Variants in NBAS observed in about 807,000 individuals in gnomAD.
NBAS encodes the protein NBAS subunit of NRZ tethering complex.
In NBAS, 219 loss-of-function variants were observed where a neutral mutation model predicts 302.5. That is an observed-to-expected ratio of 0.72 (90% CI 0.65 to 0.81). The LOEUF is 0.81. Among genes scored for constraint, NBAS ranks in the 30% least tolerant of loss-of-function variants. NBAS has a pLI of 0.00. For synonymous variants in NBAS, 1,118 were observed against 1,021.6 expected (o/e 1.09, Z -1.80); for missense variants, 2,932 against 2,841.6 (o/e 1.03, Z -0.72).
chr2:15,061,688 A>G, the NBAS span, among the ~76,000 whole-genome samples: 1 of 152,188 alleles, frequency 6.6e-6, no homozygotes, highest in African/African-American at 2.4e-5. Context: ...CCCCAATAGC[A>G]TACTCCAGAA....
chr2:14,928,477 GTA>G, the NBAS span, among the ~76,000 whole-genome samples: 1 of 152,232 alleles, frequency 6.6e-6, no homozygotes, highest in Admixed American at 6.5e-5. Flanking sequence ...AATAATTTTT[GTA>G]TATGAGATCT....
chr2:15,006,081 G>C, the NBAS span, among the ~76,000 whole-genome samples: 1 of 152,142 alleles, frequency 6.6e-6, no homozygotes, highest in Non-Finnish European at 1.5e-5. Context: ...AAAATACTTT[G>C]TTTTAATAGT....
chr2:15,402,489 A>C (rs563131618), intron 25 of NBAS, among the ~76,000 whole-genome samples, 188 bp from the exon 26 acceptor site: 1 of 152,304 alleles, frequency 6.6e-6, no homozygotes, highest in East Asian at 1.9e-4. Flanking sequence ...TTAATTACAG[A>C]TCAACTATAA....
chr2:15,120,964 C>T, the NBAS span, among the ~76,000 whole-genome samples: 2 of 152,172 alleles, frequency 1.3e-5, no homozygotes, highest in East Asian at 3.8e-4. Context: ...TCTCTGATGA[C>T]CTATTCACAG....
At chr2:15,033,839 T>A in the NBAS span, among the ~76,000 whole-genome samples, 1 of 151,878 alleles carries the variant, frequency 6.6e-6, no homozygotes, top group Non-Finnish European at 1.5e-5. Context: ...TTCCAGCTAC[T>A]CAGGAGGCTA....
At chr2:15,174,594 T>G (rs918727652) in intron 51 of NBAS, among the ~76,000 whole-genome samples, 6 of 152,214 alleles carry the variant, frequency 3.9e-5, no homozygotes, top group Non-Finnish European at 7.3e-5. Context: ...GTAGGTCTGC[T>G]CTAGTGTTTT....
At chr2:15,211,142 C>A (rs1666389768) in intron 48 of NBAS, among the ~76,000 whole-genome samples, 1 of 152,084 alleles carries the variant, frequency 6.6e-6, no homozygotes, top group Admixed American at 6.5e-5. Flanking sequence ...TTGTTTGTAA[C>A]ACAAAGGATA....
intron 38 of NBAS, among the ~76,000 whole-genome samples, chr2:15,318,053 G>A (rs984322433): frequency 3.3e-5 from 5 of 152,198 alleles, no homozygotes; most frequent in Non-Finnish European, 1.5e-5. Context: ...AGATCTCTTG[G>A]AAGAAACCCT....
chr2:14,940,279 A>T, the NBAS span, among the ~76,000 whole-genome samples: 1 of 152,164 alleles, frequency 6.6e-6, no homozygotes, highest in African/African-American at 2.4e-5. Context: ...ATTTACACTG[A>T]GGTACTGTCC....
At chr2:15,458,467 C>T (rs535138318) in intron 21 of NBAS, among the ~76,000 whole-genome samples, 6 of 152,234 alleles carry the variant, frequency 3.9e-5, no homozygotes, top group African/African-American at 1.4e-4. Flanking sequence ...TAAGTGAGTT[C>T]TCACTCAGTT....
At chr2:14,804,714 C>G in the NBAS span, among the ~76,000 whole-genome samples, 1 of 152,170 alleles carries the variant, frequency 6.6e-6, no homozygotes, top group Admixed American at 6.5e-5. Flanking sequence ...TATCCAGGCT[C>G]TAACAGAGAT....
chr2:15,293,768 G>A (rs1044414124), intron 40 of NBAS, among the ~76,000 whole-genome samples: 5 of 152,044 alleles, frequency 3.3e-5, no homozygotes, highest in Non-Finnish European at 5.9e-5. Context: ...TGTCAATGTC[G>A]AGTCTAGATT....
At chr2:14,909,043 G>A in the NBAS span, among the ~76,000 whole-genome samples, 2 of 152,092 alleles carry the variant, frequency 1.3e-5, no homozygotes, top group East Asian at 3.9e-4. Flanking sequence ...CTAGAAAAGA[G>A]AACCACTGGC....
At position 15,468,404 on chromosome 2, in the gene NBAS, C is replaced by T; in HGVS notation, c.1855G>A (p.Gly619Arg). 6.2e-7 allele frequency: 1 copy of T among 1,614,092 alleles called. No homozygotes were observed. The highest frequency in any genetic ancestry group is 8.5e-7 in the Non-Finnish European group (1 of 1,179,976). Residue 619 changes from glycine (G) to arginine (R), a missense_variant, in exon 17 of 52, where the codon GGG becomes AGG. Coordinates refer to ENST00000281513, the MANE Select transcript of NBAS (RefSeq NM_015909.4). ...AACCTGCCATCATCTGCTCCTTTCCCTATTGCTAAAAGAGCCTCCAGGTCT... is the reference window on the plus strand; with the variant it reads ...AACCTGCCATCATCTGCTCCTTTCCTTATTGCTAAAAGAGCCTCCAGGTCT... ...GTDLEALLAI[G>R]KGADDGRFTL... is the part of the protein sequence containing the mutation.
intron 26 of NBAS, 116 bp from the exon 27 acceptor site, chr2:15,396,591 CAAT>C (rs1675878485): frequency 1.6e-6 from 1 of 631,076 alleles, no homozygotes; most frequent in Admixed American, 3.2e-5. Context: ...TAATGTATAA[CAAT>C]ATTATCTAAA....
chr2:15,356,267 G>T (rs755132427), intron 33 of NBAS, 36 bp downstream of exon 33: 1 of 1,504,402 alleles, frequency 6.6e-7, no homozygotes, highest in Non-Finnish European at 9.3e-7. Flanking sequence ...ACATAAAGAG[G>T]ACATAAGCAA....
intron 30 of NBAS, among the ~76,000 whole-genome samples, chr2:15,378,558 T>C (rs1483234674): frequency 6.6e-6 from 1 of 152,204 alleles, no homozygotes; most frequent in African/African-American, 2.4e-5. Flanking sequence ...ACAAACATCA[T>C]AGCTTAGTTT....
intron 30 of NBAS, 34 bp downstream of exon 30, chr2:15,379,568 C>T (rs1674927288): frequency 6.3e-7 from 1 of 1,594,908 alleles, no homozygotes; most frequent in African/African-American, 1.3e-5. Flanking sequence ...GACTTTCCCC[C>T]TCCATCTTAG....
intron 21 of NBAS, among the ~76,000 whole-genome samples, chr2:15,438,858 G>A (rs116895431): frequency 0.013 from 1,938 of 152,250 alleles, 31 homozygotes; most frequent in East Asian, 0.059. Context: ...ACACAAGGAT[G>A]GGGAAACCAA....
Sources: gnomAD v4.1 joint callset for allele counts (sites outside exome capture counted in the v4.1 genomes callset) on GRCh38, gnomAD v4.1.1 for gene constraint, MANE v1.5 for transcripts, NCBI Gene and HGNC (gene_info 2026-07-23, HGNC 2026-07-21) for gene names.